ARMCX4: variants seen among roughly 807,000 people sequenced by gnomAD.
The protein encoded by ARMCX4 is armadillo repeat-containing X-linked protein 4.
In ARMCX4, 3 loss-of-function variants were observed where a neutral mutation model predicts 34.7. That is an observed-to-expected ratio of 0.09 (90% CI 0.04 to 0.22). The LOEUF (loss-of-function observed/expected upper bound fraction) is 0.22, where lower values mean the gene tolerates loss of function less well. Among genes scored for constraint, ARMCX4 ranks in the 10% least tolerant of loss-of-function variants. The pLI is 1.00. For missense variants in ARMCX4, 1,448 were observed against 1,720.8 expected (o/e 0.84, Z 2.81); for synonymous variants, 513 against 632.8 (o/e 0.81, Z 2.84).
chrX:101,432,068 C>G (rs1555992159), intron 2 of ARMCX4, among the ~76,000 whole-genome samples: 3 of 112,430 alleles, frequency 2.7e-5, no homozygotes. Flanking sequence ...TTGAATTACT[C>G]TTTTAAAAAT....
chrX:101,451,417 C>T (rs1931978389), downstream of ARMCX4, among the ~76,000 whole-genome samples: 1 of 111,844 alleles, frequency 8.9e-6, no homozygotes, highest in Non-Finnish European at 1.9e-5. Context: ...AATTTTTTCT[C>T]CATGTCATGT....
intron 2 of ARMCX4, among the ~76,000 whole-genome samples, chrX:101,440,396 G>T (rs988030148): frequency 3.6e-5 from 4 of 112,040 alleles, no homozygotes; most frequent in African/African-American, 1.3e-4. Flanking sequence ...TGCTGGGGGG[G>T]TGCCTCCCAG....
chrX:101,455,592 C>A (rs1932232899), intron 4 of ARMCX4, among the ~76,000 whole-genome samples: 1 of 111,528 alleles, frequency 9.0e-6, no homozygotes, highest in East Asian at 2.8e-4. Flanking sequence ...TTAACAAAGG[C>A]ACAAAAAGAT....
At chrX:101,432,727 T>TAC (rs1351609004) in intron 2 of ARMCX4, among the ~76,000 whole-genome samples, 2 of 88,045 alleles carry the variant, frequency 2.3e-5, no homozygotes, top group African/African-American at 7.8e-5. Context: ...TATATGTATA[T>TAC]ACACATATAT....
chrX:101,508,366 G>A (rs782016712), intron 8 of ARMCX4, among the ~76,000 whole-genome samples: 25 of 112,004 alleles, frequency 2.2e-4, no homozygotes, highest in Non-Finnish European at 4.1e-4. Flanking sequence ...TCAAGACGCA[G>A]TCAGCATTAG....
intron 11 of ARMCX4, among the ~76,000 whole-genome samples, chrX:101,515,143 A>G (rs968711277): frequency 3.6e-4 from 40 of 111,369 alleles, no homozygotes; most frequent in African/African-American, 1.2e-3. Context: ...CAGCACGATT[A>G]ACAGCAACCA....
At position 101,492,500 on chromosome X, in the gene ARMCX4, G is replaced by C; in HGVS notation, c.3911G>C (p.Trp1304Ser). 1 of 1,150,786 alleles carries C rather than the reference G, an allele frequency of 8.7e-7. No homozygotes were observed. The highest frequency in any genetic ancestry group is 3.3e-5 in the East Asian group (1 of 30,696). The allele number at this position is 1,150,786 out of a possible 1,213,427, so 94.8% of individuals were successfully genotyped here. ...GTGGATCAGGCCGGTGGAGGGTCCT[G>C]GGCTGGGACTAGTGATCAATCTGGT... is the stretch of plus-strand genomic sequence containing the variant. Reference protein sequence around the residue: ...GVVDQAGGGSWAGTSDQSGGG... With the variant: ...GVVDQAGGGSSAGTSDQSGGG... Residue 1304 changes from tryptophan (W) to serine (S), a missense_variant, in exon 6 of 6, where the codon TGG becomes TCG. This residue lies in a region of ARMCX4 where 1,343 missense variants were observed against 1,540.7 expected (regional missense o/e 0.87). Transcript: ENST00000423738.
chrX:101,476,212 C>G (rs782229729), intron 4 of ARMCX4, among the ~76,000 whole-genome samples: 3 of 108,553 alleles, frequency 2.8e-5, no homozygotes, highest in East Asian at 5.7e-4. Flanking sequence ...ATGTTCCAGG[C>G]CCTGTTTCAG....
At chrX:101,525,784 A>G (rs1934957451) in intron 11 of ARMCX4, among the ~76,000 whole-genome samples, 1 of 111,657 alleles carries the variant, frequency 9.0e-6, no homozygotes, top group Non-Finnish European at 1.9e-5. Flanking sequence ...TGAAGTGAGA[A>G]GAGAAGTTCA....
chrX:101,492,488 G>A lies in ARMCX4; in HGVS notation c.3899G>A (p.Gly1300Asp). 3 of 1,153,350 alleles carry A rather than the reference G, an allele frequency of 2.6e-6. No homozygotes were observed. The South Asian group carries it at 5.8e-5, about 22-fold the overall frequency. The change falls in exon 6 of 6, where the codon GGT becomes GAT. Residue 1300 changes from glycine (G) to aspartate (D), a missense_variant. Transcript: ENST00000423738. ...SYWAGVVDQA[G>D]GGSWAGTSDQ... ...TGGGCTGGGGTTGTGGATCAGGCCG[G>A]TGGAGGGTCCTGGGCTGGGACTAGT...
intron 11 of ARMCX4, among the ~76,000 whole-genome samples, chrX:101,512,777 T>C (rs1400230189): frequency 2.9e-5 from 3 of 104,676 alleles, no homozygotes; most frequent in Non-Finnish European, 3.9e-5. Flanking sequence ...TACACACATA[T>C]ATATATACAC....
At chrX:101,457,288 T>A (rs1932338738) in intron 4 of ARMCX4, among the ~76,000 whole-genome samples, 1 of 112,396 alleles carries the variant, frequency 8.9e-6, no homozygotes, top group African/African-American at 3.2e-5. Context: ...TTATTTGTAT[T>A]TCTTTCAAGA....
At chrX:101,433,433 TAC>T (rs1174109858) in intron 2 of ARMCX4, among the ~76,000 whole-genome samples, 34 of 109,550 alleles carry the variant, frequency 3.1e-4, no homozygotes, top group Non-Finnish European at 5.1e-4. Context: ...TGTATATGTA[TAC>T]ACACACACAC....
chrX:101,499,973 G>A (rs1556013141), downstream of ARMCX4, among the ~76,000 whole-genome samples: 4 of 111,963 alleles, frequency 3.6e-5, no homozygotes, highest in African/African-American at 9.7e-5. Flanking sequence ...AAGAAAGGCC[G>A]AGTGCCCAGG....
rs1934128117 is a variant in ARMCX4 at position 101,494,402 on chromosome X, T to G, written c.5813T>G (p.Phe1938Cys). The change falls in exon 6 of 6, where the codon TTT becomes TGT. Residue 1938 changes from phenylalanine to cysteine, a missense_variant. Around this residue, in one of 2 missense-constraint regions of ARMCX4, gnomAD observed 1,343 missense variants for 1,540.7 expected, o/e 0.87. Transcript: ENST00000423738. The part of the protein sequence containing the change: ...AGDNTSIKDK[F>C]EAAGGVDIGS... ...GATAACACCAGCATCAAGGATAAGT[T>G]TGAGGCTGCTGGTGGAGTTGATATA... is the stretch of plus-strand genomic sequence containing the variant. 8.7e-7 allele frequency: 1 copy of G among 1,153,860 alleles called. No individual in the cohort carries two copies. Among genetic ancestry groups the G allele is most frequent in the Non-Finnish European group, 1.1e-6 (1 of 872,621 alleles).
upstream of ARMCX4, among the ~76,000 whole-genome samples, chrX:101,482,159 G>A (rs954035721): frequency 3.6e-5 from 4 of 110,996 alleles, no homozygotes; most frequent in African/African-American, 6.5e-5. Context: ...GCTTGAACCC[G>A]AGAGGTGGAG....
upstream of ARMCX4, among the ~76,000 whole-genome samples, chrX:101,484,559 G>A (rs1334719448): frequency 8.9e-6 from 1 of 112,100 alleles, no homozygotes; most frequent in Non-Finnish European, 1.9e-5. Flanking sequence ...GAAGGTCTTA[G>A]ACACCTGAAA....
At chrX:101,529,905 C>G (rs1430879705) in intron 11 of ARMCX4, among the ~76,000 whole-genome samples, 1 of 111,678 alleles carries the variant, frequency 9.0e-6, no homozygotes, top group Non-Finnish European at 1.9e-5. Flanking sequence ...ACTAGTTCAA[C>G]CATTGTGGAA....
intron 8 of ARMCX4, among the ~76,000 whole-genome samples, chrX:101,505,993 C>T (rs781993758): frequency 1.4e-4 from 16 of 111,759 alleles, no homozygotes; most frequent in Middle Eastern, 4.7e-3. Context: ...AGGCACCTGT[C>T]ATCACTCCCG....
Sources: allele counts gnomAD v4.1 joint callset (sites outside exome capture counted in the v4.1 genomes callset), GRCh38; gene constraint gnomAD v4.1.1; regional missense constraint gnomAD v4.1.1; transcripts MANE v1.5; gene names NCBI Gene and HGNC (gene_info 2026-07-23, HGNC 2026-07-21).